The following PKN3 variants were observed in gnomAD, a reference collection of about 807,000 sequenced individuals.
The protein encoded by PKN3 is serine/threonine-protein kinase N3.
In PKN3, 91 loss-of-function variants were observed where a neutral mutation model predicts 113.1. The ratio of observed to expected loss-of-function variants is 0.80; its 90% confidence interval spans 0.68 to 0.96. The LOEUF (loss-of-function observed/expected upper bound fraction) is 0.96. PKN3 is among the 40% of genes least tolerant of loss of function. The pLI is 0.00. For synonymous variants in PKN3, 467 were observed against 499.0 expected (o/e 0.94, Z 0.85); for missense variants, 1,052 against 1,202.2 (o/e 0.88, Z 1.85).
At chr9:128,706,324 T>C (rs540489060) in intron 3 of PKN3, among the ~76,000 whole-genome samples, 1 of 149,916 alleles carries the variant, frequency 6.7e-6, no homozygotes, top group East Asian at 2.0e-4. Flanking sequence ...GGGGGAGGCT[T>C]AGCTTAGCCC....
In PKN3 at chr9:128,705,799, C is replaced by T. The variant is rs116453286; in HGVS notation, c.331C>T (p.Arg111Trp). The change falls in exon 3 of 22, where the codon CGG (arginine) becomes TGG (tryptophan). Residue 111 changes from arginine (R) to tryptophan (W), a missense_variant. Around this residue, in one of 2 missense-constraint regions of PKN3, gnomAD observed 719 missense variants for 759.4 expected, o/e 0.95. Coordinates refer to ENST00000291906, the MANE Select transcript of PKN3 (RefSeq NM_013355.5). ...QLRARHLEAL[R>W]RQLHVELKVK... ...CAGGGCTCGGCACCTAGAGGCTCTC[C>T]GGAGGCAGCTGCATGTGGAGCTGAA... is the stretch of plus-strand genomic sequence containing the variant. The T allele has an allele frequency of 3.2e-4, 508 of 1,608,210 alleles. 2 individuals are homozygous for T. The highest frequency in any genetic ancestry group is 4.2e-4 in the Non-Finnish European group (494 of 1,177,488).
chr9:128,703,312 G>T, intron 1 of PKN3: 1 of 940,356 alleles, frequency 1.1e-6, no homozygotes, highest in Non-Finnish European at 1.3e-6. Context: ...AGAAAGGCGG[G>T]GCACAGGGGC....
chr9:128,720,028 C>CG lies in PKN3; in HGVS notation c.2376+15dup. 1 of 1,607,158 alleles carries CG rather than the reference C, an allele frequency of 6.2e-7. No individual in the cohort carries two copies. Among genetic ancestry groups the CG allele is most frequent in the Non-Finnish European group, 8.5e-7 (1 of 1,173,846 alleles). On this transcript the variant is annotated intron_variant, in intron 20 of 21. Transcript: ENST00000291906. The surrounding 1 kb of genome is among the most constrained non-coding windows in gnomAD (Gnocchi z 5.5). ...GAGTTCATTCAGAAGGTAAGCACTG[C>CG]GGGGTCTGGGGCTGGGCTGGATGGC...
In PKN3 at chr9:128,705,560, G is replaced by C; in HGVS notation, c.265+17G>C. 1 of 1,552,580 alleles carries C rather than the reference G, an allele frequency of 6.4e-7. No individual in the cohort carries two copies. Among genetic ancestry groups the C allele is most frequent in the South Asian group, 1.2e-5 (1 of 84,092 alleles). On this transcript the variant is annotated intron_variant, in intron 2 of 21. Transcript: ENST00000291906. ...GCCCAGCTGGTGAGTGAGGAGCTGAGACCCCCTCAGGACAGAAGGCTCTAG... is the reference window on the plus strand; with the variant it reads ...GCCCAGCTGGTGAGTGAGGAGCTGACACCCCCTCAGGACAGAAGGCTCTAG...
rs754162130 is a variant in PKN3 at position 128,707,421 on chromosome 9, TC to T, written c.835+21del. On this transcript the variant is annotated intron_variant, in intron 6 of 21. Transcript: ENST00000291906. ...GCCCTAACAGGTAGTCAGAAGTTCC[TC>T]CCCCTTCAAAGCTCTCCTTCTTTTT... 1 of 1,582,238 alleles carries T rather than the reference TC, an allele frequency of 6.3e-7. No homozygotes were observed. Among genetic ancestry groups the T allele is most frequent in the Admixed American group, 1.7e-5 (1 of 58,196 alleles).
chr9:128,714,584 C>T lies in PKN3; in HGVS notation c.1504C>T (p.Pro502Ser). The change falls in exon 12 of 22, where the codon CCC becomes TCC. Residue 502 changes from proline to serine, a missense_variant. Pro to Ser is a moderately conservative substitution (Grantham distance 74). Transcript: ENST00000291906. ...CAGTAATTTCCTGCCCAAGAAGACCCCCTTGGGTGAAGAGATGACACCCCC... is the reference window on the plus strand; with the variant it reads ...CAGTAATTTCCTGCCCAAGAAGACCTCCTTGGGTGAAGAGATGACACCCCC... ...TPSNFLPKKT[P>S]LGEEMTPPPK... 1 of 1,264,736 alleles carries T rather than the reference C, an allele frequency of 7.9e-7. No individual in the cohort carries two copies. Among genetic ancestry groups the T allele is most frequent in the Non-Finnish European group, 1.2e-6 (1 of 860,756 alleles). The allele number at this position is 1,264,736 out of a possible 1,614,324, so 78.3% of individuals were successfully genotyped here. A position where few individuals can be genotyped will look rare whatever the true frequency, so the allele number is the denominator to read the frequency against.
intron 6 of PKN3, 142 bp from the exon 7 acceptor site, chr9:128,712,910 G>A: frequency 1.2e-6 from 1 of 821,902 alleles, no homozygotes; most frequent in African/African-American, 1.7e-5. Flanking sequence ...GGTTCCTCAG[G>A]TAACTGCCCT....
Position 128,713,377 on chromosome 9 carries a change from C to T in PKN3, c.1082C>T (p.Pro361Leu). ...EQSWDQTFVIPLERARELEIG... is the reference protein window; with the variant it reads ...EQSWDQTFVILLERARELEIG... ...TCCTGGGACCAGACCTTTGTCATCCCACTGGAGCGAGTAAGGCTGGCCTTT... is the reference window on the plus strand; with the variant it reads ...TCCTGGGACCAGACCTTTGTCATCCTACTGGAGCGAGTAAGGCTGGCCTTT... Residue 361 changes from proline to leucine, a missense_variant, in exon 8 of 22, where the codon CCA (proline) becomes CTA (leucine). Around this residue, in one of 2 missense-constraint regions of PKN3, gnomAD observed 719 missense variants for 759.4 expected, o/e 0.95. Transcript: ENST00000291906. 6.2e-7 allele frequency: 1 copy of T among 1,613,982 alleles called. No individual in the cohort carries two copies. Among genetic ancestry groups the T allele is most frequent in the Non-Finnish European group, 8.5e-7 (1 of 1,179,948 alleles).
chr9:128,703,990 G>T (rs1861931823), intron 1 of PKN3: 1 of 985,362 alleles, frequency 1.0e-6, no homozygotes, highest in Non-Finnish European at 1.2e-6. Flanking sequence ...GCCTAGGGCG[G>T]TCAGAGGATT....
At chr9:128,703,537 G>C (rs1280869097) in intron 1 of PKN3, 1 of 985,324 alleles carries the variant, frequency 1.0e-6, no homozygotes, top group Non-Finnish European at 1.2e-6. Flanking sequence ...AGGTGCGCGT[G>C]GGCCCGGAGG....
chr9:128,717,317 G>A (rs1243903076), intron 16 of PKN3, among the ~76,000 whole-genome samples: 1 of 150,272 alleles, frequency 6.7e-6, no homozygotes. Flanking sequence ...TAGTAGAGAC[G>A]AGGTTTCTCC....
chr9:128,720,098 T>C lies in PKN3; in HGVS notation c.2376+81T>C. The C allele has an allele frequency of 6.5e-7, 1 of 1,532,418 alleles. No homozygotes were observed. Among genetic ancestry groups the C allele is most frequent in the Non-Finnish European group, 9.0e-7 (1 of 1,108,056 alleles). The allele number at this position is 1,532,418 out of a possible 1,614,324, so 94.9% of individuals were successfully genotyped here. Reference sequence around the variant, plus strand: ...CTCTGCCGTGGGACAGCAGACCCCCTGCCACCCATCCTTAGAGCGCTCTGG... The same window carrying C: ...CTCTGCCGTGGGACAGCAGACCCCCCGCCACCCATCCTTAGAGCGCTCTGG... On this transcript the variant is annotated intron_variant, in intron 20 of 21. Coordinates refer to ENST00000291906, the MANE Select transcript of PKN3 (RefSeq NM_013355.5). The surrounding 1 kb of genome is among the most constrained non-coding windows in gnomAD (Gnocchi z 5.5).
chr9:128,719,027 C>G (rs1195639904), intron 18 of PKN3, among the ~76,000 whole-genome samples: 1 of 151,764 alleles, frequency 6.6e-6, no homozygotes, highest in Non-Finnish European at 1.5e-5. Context: ...GCCCAAGTAG[C>G]TGGGACTACA....
chr9:128,706,068 C>G (rs1268776697), intron 3 of PKN3, among the ~76,000 whole-genome samples, 189 bp downstream of exon 3: 2 of 152,326 alleles, frequency 1.3e-5, no homozygotes, highest in African/African-American at 2.4e-5. Flanking sequence ...AAGGCCTTGC[C>G]CTGGTCTAAT....
intron 1 of PKN3, chr9:128,703,814 T>C: frequency 1.0e-6 from 1 of 985,386 alleles, no homozygotes; most frequent in South Asian, 4.7e-5. Context: ...CCCACCCCCT[T>C]CCTCTGGAGG....
intron 6 of PKN3, among the ~76,000 whole-genome samples, chr9:128,708,056 G>A (rs1209670841): frequency 1.4e-5 from 2 of 145,244 alleles, no homozygotes. Context: ...GGGCGACGGG[G>A]CAAGACGCCG....
chr9:128,715,034 AG>A lies in PKN3; in HGVS notation c.1653-136del. 3 of 1,072,614 alleles carry A rather than the reference AG, an allele frequency of 2.8e-6. No individual in the cohort carries two copies. The Admixed American group carries it at 5.6e-5, about 20-fold the overall frequency. The allele number at this position is 1,072,614 out of a possible 1,614,324, so 66.4% of individuals were successfully genotyped here. A position where few individuals can be genotyped will look rare whatever the true frequency, so the allele number is the denominator to read the frequency against. On this transcript the variant is annotated intron_variant, in intron 13 of 21. Transcript: ENST00000291906. This position sits in a 1 kb window ranked among gnomAD's most constrained non-coding sequence, Gnocchi z 4.1. ...GAGCTCCAGCTCTATGCCGGCTTCT[AG>A]GAGTCCTTACTGCAGGGCTTTTTCG...
intron 6 of PKN3, among the ~76,000 whole-genome samples, chr9:128,712,390 TG>T (rs1405493049): frequency 6.6e-6 from 1 of 152,218 alleles, no homozygotes; most frequent in Non-Finnish European, 1.5e-5. Context: ...AACCCTCTAG[TG>T]ACGTGACACA....
intron 11 of PKN3, 47 bp downstream of exon 11, chr9:128,714,412 T>G: frequency 1.3e-6 from 2 of 1,492,022 alleles, no homozygotes; most frequent in Non-Finnish European, 1.9e-6. Context: ...TGTGGCGGCT[T>G]CCTGACTCCA....
Sources: gnomAD v4.1 joint callset for allele counts (sites outside exome capture counted in the v4.1 genomes callset) on GRCh38, gnomAD v4.1.1 for gene constraint, gnomAD v4.1.1 regional missense constraint, Gnocchi (gnomAD v3.1) non-coding constraint, MANE v1.5 for transcripts, NCBI Gene and HGNC (gene_info 2026-07-23, HGNC 2026-07-21) for gene names.